Variants in PRKAR1B observed in about 807,000 individuals in gnomAD.
The protein encoded by PRKAR1B is protein kinase cAMP-dependent type I regulatory subunit beta.
PRKAR1B carries 22 observed loss-of-function variants against 46.5 expected under a neutral mutation model. The ratio of observed to expected loss-of-function variants is 0.47; its 90% CI spans 0.34 to 0.68. The LOEUF (loss-of-function observed/expected upper bound fraction) is 0.68, where lower values mean the gene tolerates loss of function less well. Among genes scored for constraint, PRKAR1B ranks in the 30% least tolerant of loss-of-function variants. The pLI, the probability that PRKAR1B is intolerant of heterozygous loss-of-function variation, is 0.01. For missense variants in PRKAR1B, 445 were observed against 535.6 expected (o/e 0.83, Z 1.67); for synonymous variants, 259 against 217.7 (o/e 1.19, Z -1.67).
intron 2 of PRKAR1B, chr7:691,494 C>T (rs761853011): frequency 1.4e-5 from 18 of 1,304,230 alleles, no homozygotes; most frequent in Non-Finnish European, 3.0e-6. Context: ...CCCAGCGCAC[C>T]ACAGCCATCC....
chr7:601,441 C>T (rs1252587863), intron 6 of PRKAR1B, among the ~76,000 whole-genome samples: 1 of 152,240 alleles, frequency 6.6e-6, no homozygotes, highest in African/African-American at 2.4e-5. Context: ...AATACATATG[C>T]CCATAACTCA....
At chr7:726,912 C>G (rs1212165365) in intron 1 of PRKAR1B, 3 of 1,345,160 alleles carry the variant, frequency 2.2e-6, no homozygotes, top group South Asian at 3.4e-5. Context: ...GCCCTGCCGC[C>G]GACCCCACCG....
At chr7:566,516 TCATCACCATCATTATGGCCACCAC>T (rs1403297249) in intron 9 of PRKAR1B, among the ~76,000 whole-genome samples, 1 of 91,842 alleles carries the variant, frequency 1.1e-5, no homozygotes, top group Non-Finnish European at 2.5e-5. Context: ...ACCATCATGA[TCATCACCATCATTATGGCCACCAC>T]CATCACCATC....
intron 4 of PRKAR1B, among the ~76,000 whole-genome samples, chr7:628,763 C>A (rs1783557194): frequency 6.6e-6 from 1 of 151,990 alleles, no homozygotes; most frequent in Non-Finnish European, 1.5e-5. Flanking sequence ...TCCATTTCAC[C>A]CCCCTGACCA....
rs1032776478 is a variant in PRKAR1B at position 642,754 on chromosome 7, G to C, written c.440+34475C>G. Among the ~76,000 whole-genome samples the C allele has an allele frequency of 2.5e-3, 355 of 144,464 alleles. 7 individuals carry two copies. The highest frequency in any genetic ancestry group is 4.7e-3 in the Admixed American group (70 of 14,780). 94.8% of individuals were successfully genotyped at this position (144,464 alleles called of 152,430 possible). On this transcript the variant is annotated intron_variant, in intron 4 of 10. Transcript: ENST00000537384. ...TCTCAAAAAAAAAAAAAAAAAGAAAGAAACAAACTCTGCCCCCTGCCGCAA... is the reference window on the plus strand; with the variant it reads ...TCTCAAAAAAAAAAAAAAAAAGAAACAAACAAACTCTGCCCCCTGCCGCAA...
At chr7:638,318 A>T (rs1784227715) in intron 4 of PRKAR1B, among the ~76,000 whole-genome samples, 1 of 152,198 alleles carries the variant, frequency 6.6e-6, no homozygotes, top group Non-Finnish European at 1.5e-5. Flanking sequence ...CATCCTACTG[A>T]AGTTGGTGGT....
At chr7:581,997 G>A (rs141334760) in intron 8 of PRKAR1B, among the ~76,000 whole-genome samples, 7 of 152,218 alleles carry the variant, frequency 4.6e-5, no homozygotes, top group East Asian at 1.9e-4. Flanking sequence ...GGGACTGCAG[G>A]CATGTACCAT....
chr7:555,258 C>A (rs535643009), intron 9 of PRKAR1B, among the ~76,000 whole-genome samples: 2 of 152,286 alleles, frequency 1.3e-5, no homozygotes, highest in East Asian at 3.9e-4. Context: ...AAGGAAGCGG[C>A]AGGGATGGGT....
At chr7:567,427 T>TGG (rs1280789307) in intron 9 of PRKAR1B, among the ~76,000 whole-genome samples, 11,547 of 133,702 alleles carry the variant, frequency 0.086, 620 homozygotes, top group East Asian at 0.22. Flanking sequence ...ATCACCATCA[T>TGG]CACCATCATC....
At chr7:706,422 A>ATTTTTGTTTTTTTT (rs1780326819) in intron 2 of PRKAR1B, among the ~76,000 whole-genome samples, 1 of 102,298 alleles carries the variant, frequency 9.8e-6, no homozygotes, top group African/African-American at 3.9e-5. Context: ...CAAATAAGGA[A>ATTTTTGTTTTTTTT]TTTTTTTTTT....
chr7:612,576 C>T (rs1388953883), intron 4 of PRKAR1B, among the ~76,000 whole-genome samples: 1 of 151,924 alleles, frequency 6.6e-6, no homozygotes, highest in Non-Finnish European at 1.5e-5. Context: ...GATGGACCGA[C>T]AGATGATGGA....
chr7:573,145 G>A (rs1222041931), intron 9 of PRKAR1B, among the ~76,000 whole-genome samples: 4 of 152,166 alleles, frequency 2.6e-5, no homozygotes, highest in Admixed American at 6.5e-5. Context: ...CCTGCACCCC[G>A]GGGTCACACT....
At chr7:672,810 T>G (rs547474421) in intron 4 of PRKAR1B, among the ~76,000 whole-genome samples, 38 of 151,956 alleles carry the variant, frequency 2.5e-4, no homozygotes, top group African/African-American at 8.9e-4. Context: ...GACATTGCAG[T>G]GAGCCAAGAT....
At position 602,866 on chromosome 7, in the gene PRKAR1B, G is replaced by T. The variant is rs113339523; in HGVS notation, c.549+3327C>A. On this transcript the variant is annotated intron_variant, in intron 6 of 10. Coordinates refer to ENST00000537384, the MANE Select transcript of PRKAR1B (RefSeq NM_001164760.2). The surrounding 1 kb of genome is among the most constrained non-coding windows in gnomAD (Gnocchi z 6.4). ...AATGGCACGGCTCAGCCACACAAGG[G>T]CCTGGGCAAAGGTCACGGCCAGCAA... Among the ~76,000 whole-genome samples the T allele has an allele frequency of 0.01, 1,540 of 151,550 alleles. 22 individuals are homozygous for T. The highest frequency in any genetic ancestry group is 0.035 in the African/African-American group (1,448 of 40,900).
chr7:614,505 A>C (rs1026817289), intron 4 of PRKAR1B, among the ~76,000 whole-genome samples: 9 of 152,220 alleles, frequency 5.9e-5, no homozygotes, highest in Admixed American at 1.3e-4. Flanking sequence ...CTGTCATCCC[A>C]GCACTTTGGG....
At chr7:585,198 C>G (rs1045079788) in intron 7 of PRKAR1B, among the ~76,000 whole-genome samples, 1 of 152,160 alleles carries the variant, frequency 6.6e-6, no homozygotes, top group Non-Finnish European at 1.5e-5. Flanking sequence ...AAACACACCC[C>G]TTCTTTAAGC....
intron 9 of PRKAR1B, among the ~76,000 whole-genome samples, chr7:554,785 C>G (rs1028198064): frequency 2.8e-4 from 42 of 150,892 alleles, no homozygotes; most frequent in African/African-American, 9.5e-4. Flanking sequence ...CCACGGATCC[C>G]ACAGAGCCGG....
intron 4 of PRKAR1B, among the ~76,000 whole-genome samples, chr7:632,873 A>G (rs896621290): frequency 6.6e-6 from 1 of 151,866 alleles, no homozygotes; most frequent in Non-Finnish European, 1.5e-5. Context: ...GGAGCCCCCG[A>G]CGGCCGGCAC....
intron 2 of PRKAR1B, among the ~76,000 whole-genome samples, chr7:701,968 T>A (rs1780087254): frequency 6.6e-6 from 1 of 152,206 alleles, no homozygotes; most frequent in Admixed American, 6.5e-5. Flanking sequence ...AGGTACATCT[T>A]CTAGACTATT....
Sources: allele counts gnomAD v4.1 joint callset (sites outside exome capture counted in the v4.1 genomes callset), GRCh38; gene constraint gnomAD v4.1.1; non-coding constraint Gnocchi (gnomAD v3.1); transcripts MANE v1.5; gene names NCBI Gene and HGNC (gene_info 2026-07-23, HGNC 2026-07-21).